MGMT: variants seen among roughly 807,000 people sequenced by gnomAD.
MGMT encodes the protein O-6-methylguanine-DNA methyltransferase.
A neutral mutation model predicts 15.9 loss-of-function variants in MGMT; 14 were observed. That is an observed-to-expected ratio of 0.88 (90% CI 0.58 to 1.37). The LOEUF (loss-of-function observed/expected upper bound fraction) is 1.37. MGMT is among the 40% of genes most tolerant of loss of function. The pLI, the probability that MGMT is intolerant of heterozygous loss-of-function variation, is 0.00. For synonymous variants in MGMT, 130 were observed against 118.2 expected (o/e 1.10, Z -0.65); for missense variants, 282 against 268.1 (o/e 1.05, Z -0.36).
chr10:129,647,059 C>T (rs555348701), intron 2 of MGMT, among the ~76,000 whole-genome samples: 10 of 152,150 alleles, frequency 6.6e-5, no homozygotes, highest in East Asian at 3.9e-4. Flanking sequence ...TCAGTTTGCA[C>T]GCCTCCCTCT....
At chr10:129,476,567 G>A (rs1845296942) in intron 1 of MGMT, among the ~76,000 whole-genome samples, 1 of 152,106 alleles carries the variant, frequency 6.6e-6, no homozygotes, top group Non-Finnish European at 1.5e-5. Flanking sequence ...GGCAGTGCTG[G>A]TTCCATGGTC....
intron 1 of MGMT, among the ~76,000 whole-genome samples, chr10:129,505,744 G>C (rs1845618432): frequency 6.6e-6 from 1 of 152,174 alleles, no homozygotes; most frequent in Non-Finnish European, 1.5e-5. Flanking sequence ...TAAAGTTCAA[G>C]AACAAGCTAA....
chr10:129,622,713 C>T (rs568074555), intron 2 of MGMT, among the ~76,000 whole-genome samples: 56 of 152,046 alleles, frequency 3.7e-4, no homozygotes, highest in African/African-American at 1.4e-3. Flanking sequence ...TGGATTGCAT[C>T]CAAATAAGGT....
intron 3 of MGMT, among the ~76,000 whole-genome samples, chr10:129,742,447 T>A (rs1848645680): frequency 6.6e-6 from 1 of 151,978 alleles, no homozygotes; most frequent in South Asian, 2.1e-4. Context: ...CAGAGCCAGG[T>A]CCTCAGGGCC....
intron 2 of MGMT, among the ~76,000 whole-genome samples, chr10:129,671,548 C>T (rs891079015): frequency 2.0e-5 from 3 of 152,076 alleles, no homozygotes; most frequent in African/African-American, 7.2e-5. Flanking sequence ...AGACTTCCGG[C>T]CCACAAAACA....
At chr10:129,700,485 G>C (rs1160924806) in intron 2 of MGMT, 1 of 152,178 alleles carries the variant, frequency 6.6e-6, no homozygotes, top group African/African-American at 2.4e-5. Context: ...GCCAATGGAA[G>C]GCGGAAGTGC....
At chr10:129,619,033 T>G (rs1306288380) in intron 2 of MGMT, among the ~76,000 whole-genome samples, 1 of 152,180 alleles carries the variant, frequency 6.6e-6, no homozygotes, top group Non-Finnish European at 1.5e-5. Context: ...TCAACAGGAG[T>G]TGGGGAAGTA....
chr10:129,639,861 A>G (rs1384521620), intron 2 of MGMT, among the ~76,000 whole-genome samples: 1 of 152,070 alleles, frequency 6.6e-6, no homozygotes, highest in Non-Finnish European at 1.5e-5. Context: ...TGGAAAACAG[A>G]AAAACAGTGG....
chr10:129,689,349 G>A (rs1200885883), intron 2 of MGMT, among the ~76,000 whole-genome samples: 1 of 152,140 alleles, frequency 6.6e-6, no homozygotes, highest in Non-Finnish European at 1.5e-5. Flanking sequence ...TTTCTAAGCT[G>A]AGGAGTTCAG....
chr10:129,485,169 C>T (rs1845395966), intron 1 of MGMT, among the ~76,000 whole-genome samples: 1 of 152,164 alleles, frequency 6.6e-6, no homozygotes, highest in Admixed American at 6.5e-5. Flanking sequence ...AGTTCCTTCT[C>T]AAGCAGTGTC....
intron 2 of MGMT, among the ~76,000 whole-genome samples, chr10:129,597,878 G>A (rs1466002709): frequency 6.6e-6 from 1 of 152,170 alleles, no homozygotes; most frequent in Non-Finnish European, 1.5e-5. Flanking sequence ...TGGTATTTTT[G>A]TATTTAAAAA....
chr10:129,744,698 C>T (rs373227304), intron 3 of MGMT, among the ~76,000 whole-genome samples: 1 of 152,216 alleles, frequency 6.6e-6, no homozygotes. Flanking sequence ...CCCGCTCACT[C>T]TCAGTGTGCG....
At chr10:129,667,156 A>G (rs1432809932) in intron 2 of MGMT, among the ~76,000 whole-genome samples, 1 of 152,168 alleles carries the variant, frequency 6.6e-6, no homozygotes, top group Non-Finnish European at 1.5e-5. Context: ...CATGCAGATC[A>G]GGAGACAAAC....
chr10:129,728,502 C>T (rs1382414081), intron 3 of MGMT, among the ~76,000 whole-genome samples: 2 of 152,072 alleles, frequency 1.3e-5, no homozygotes, highest in African/African-American at 4.8e-5. Context: ...ATTATGCCAT[C>T]CTCACTTGTA....
intron 2 of MGMT, among the ~76,000 whole-genome samples, chr10:129,563,583 G>A (rs1228545024): frequency 6.6e-6 from 1 of 152,166 alleles, no homozygotes; most frequent in Non-Finnish European, 1.5e-5. Context: ...ACCTGGATGT[G>A]GTGTGAGCAT....
At chr10:129,542,238 C>G (rs1471748940) in intron 2 of MGMT, among the ~76,000 whole-genome samples, 2 of 152,166 alleles carry the variant, frequency 1.3e-5, no homozygotes, top group African/African-American at 4.8e-5. Context: ...CTCAGCCGTG[C>G]ATGGGGTCCC....
rs933278436 is a variant in MGMT, at chr10:129,770,583, A to T, written c.*3586A>T. Among the ~76,000 whole-genome samples the T allele has an allele frequency of 6.6e-6, 1 of 152,234 alleles. No homozygotes were observed. Among genetic ancestry groups the T allele is most frequent in the Non-Finnish European group, 1.5e-5 (1 of 68,046 alleles). ...ACTTCACCCCGTTGGAGCGGGCAGG[A>T]TGTCACACTGAGCTAATGTGAGATT... is the stretch of plus-strand genomic sequence containing the variant. On this transcript the variant is annotated 3_prime_UTR_variant, in exon 5 of 5. Transcript: ENST00000651593.
intron 2 of MGMT, among the ~76,000 whole-genome samples, chr10:129,540,607 G>T (rs937571119): frequency 6.6e-6 from 1 of 152,186 alleles, no homozygotes; most frequent in African/African-American, 2.4e-5. Context: ...AAATTTGGTA[G>T]AATAAATTTT....
intron 3 of MGMT, among the ~76,000 whole-genome samples, chr10:129,712,081 G>A (rs1032619640): frequency 4.6e-5 from 7 of 152,132 alleles, no homozygotes; most frequent in Admixed American, 1.3e-4. Flanking sequence ...GCAGACCTAC[G>A]GAAAGCGAGG....
Sources: allele counts gnomAD v4.1 joint callset (sites outside exome capture counted in the v4.1 genomes callset), GRCh38; gene constraint gnomAD v4.1.1; transcripts MANE v1.5; gene names NCBI Gene and HGNC (gene_info 2026-07-23, HGNC 2026-07-21).